Variants in CEP85L observed in about 807,000 individuals in gnomAD.
CEP85L encodes the protein centrosomal protein of 85 kDa-like.
Under a neutral mutation model 100.3 loss-of-function variants are expected in CEP85L, and 60 were observed. The ratio of observed to expected loss-of-function variants is 0.60; its 90% CI spans 0.49 to 0.74. The LOEUF (loss-of-function observed/expected upper bound fraction) is 0.74. CEP85L is among the 30% of genes least tolerant of loss of function. The pLI, the probability that CEP85L is intolerant of heterozygous loss-of-function variation, is 0.00. For missense variants in CEP85L, 973 were observed against 936.2 expected, an observed-to-expected ratio of 1.04 and a Z score of -0.51; for synonymous variants, 319 against 322.7, an observed-to-expected ratio of 0.99 and a Z score of 0.12.
intron 3 of CEP85L, among the ~76,000 whole-genome samples, chr6:118,544,980 A>G (rs895759179): frequency 2.0e-5 from 3 of 152,108 alleles, no homozygotes; most frequent in Non-Finnish European, 4.4e-5. Flanking sequence ...GTAATTATCA[A>G]ACCCTCAAGT....
intron 2 of CEP85L, among the ~76,000 whole-genome samples, chr6:118,589,971 AC>A (rs1781087048): frequency 6.6e-6 from 1 of 152,098 alleles, no homozygotes; most frequent in South Asian, 2.1e-4. Flanking sequence ...ATAGAACAGC[AC>A]TACCCTCCTC....
chr6:118,491,401 T>G, intron 6 of CEP85L: 1 of 974,564 alleles, frequency 1.0e-6, no homozygotes, highest in Non-Finnish European at 1.3e-6. Context: ...AATGAAATCA[T>G]AGACTCAATA....
chr6:118,613,508 G>A (rs1159959620), intron 2 of CEP85L, among the ~76,000 whole-genome samples: 2 of 152,062 alleles, frequency 1.3e-5, no homozygotes, highest in East Asian at 1.9e-4. Flanking sequence ...TGTAATCCTA[G>A]TACTTTGTGG....
chr6:118,635,285 T>A (rs1774423558), intron 1 of CEP85L, among the ~76,000 whole-genome samples: 1 of 152,200 alleles, frequency 6.6e-6, no homozygotes, highest in African/African-American at 2.4e-5. Context: ...ATCAACCTAT[T>A]TTTTAACATG....
chr6:118,686,231 T>C (rs1279374681), intron 1 of CEP85L, among the ~76,000 whole-genome samples: 2 of 152,096 alleles, frequency 1.3e-5, no homozygotes, highest in African/African-American at 4.8e-5. Flanking sequence ...TATTGACGTA[T>C]CATTTAAATA....
At chr6:118,497,806 A>G (rs950327567) in intron 5 of CEP85L, among the ~76,000 whole-genome samples, 2 of 152,258 alleles carry the variant, frequency 1.3e-5, no homozygotes, top group African/African-American at 4.8e-5. Context: ...AAGCAAGAGC[A>G]TCGGAAAAGG....
intron 2 of CEP85L, among the ~76,000 whole-genome samples, chr6:118,618,699 G>A (rs894353408): frequency 4.6e-5 from 7 of 152,124 alleles, no homozygotes; most frequent in Non-Finnish European, 1.0e-4. Flanking sequence ...ATGGAAAGTG[G>A]GGACAAAAGG....
rs533943347 is a variant in CEP85L, at chr6:118,467,895, T to A, written c.2254+1177A>T. Among the ~76,000 whole-genome samples the A allele has an allele frequency of 2.0e-5, 3 of 152,292 alleles. No individual in the cohort carries two copies. In the South Asian group the frequency reaches 6.2e-4, roughly 32 times the overall value. On this transcript the variant is annotated intron_variant, in intron 12 of 12. Coordinates refer to ENST00000368491, the MANE Select transcript of CEP85L (RefSeq NM_001042475.3). ...TCCCACGTAGATTTAGTTGTTTTTT[T>A]CCTCTTGTGCTCCCACTGTCCTTTG...
At chr6:118,611,088 A>C (rs1772577681) in intron 2 of CEP85L, among the ~76,000 whole-genome samples, 1 of 152,180 alleles carries the variant, frequency 6.6e-6, no homozygotes, top group Non-Finnish European at 1.5e-5. Flanking sequence ...CAAAGGAAGA[A>C]AAAACACAAG....
intron 3 of CEP85L, among the ~76,000 whole-genome samples, chr6:118,535,725 G>C (rs934548920): frequency 6.6e-6 from 1 of 152,076 alleles, no homozygotes; most frequent in Non-Finnish European, 1.5e-5. Flanking sequence ...TCTCAGTATC[G>C]CAGTATTTGT....
At position 118,673,705 on chromosome 6, in the gene CEP85L, C is replaced by A. The variant is rs1489335763; in HGVS notation, c.-27-20897G>T. Reference sequence around the variant, plus strand: ...GACTGTATCTAATATTTCAACAGGACCCCCAAACAATTCTGAAATTAACTG... The same window carrying A: ...GACTGTATCTAATATTTCAACAGGAACCCCAAACAATTCTGAAATTAACTG... On this transcript the variant is annotated intron_variant, in intron 1 of 13. Transcript: ENST00000368488. Among the ~76,000 whole-genome samples, 3 of 152,074 alleles carry A rather than the reference C, an allele frequency of 2.0e-5. No homozygotes were observed. The East Asian group carries it at 5.8e-4, about 29-fold the overall frequency.
chr6:118,593,779 C>T (rs1781318814), intron 2 of CEP85L, among the ~76,000 whole-genome samples: 1 of 151,912 alleles, frequency 6.6e-6, no homozygotes, highest in African/African-American at 2.4e-5. Context: ...AAGTCACCAC[C>T]AGCTTCTACT....
chr6:118,486,714 A>T (rs2114573128), intron 6 of CEP85L, among the ~76,000 whole-genome samples: 1 of 152,152 alleles, frequency 6.6e-6, no homozygotes, highest in Admixed American at 6.5e-5. Context: ...TGGTATGTAC[A>T]TTTCCATTCT....
intron 2 of CEP85L, among the ~76,000 whole-genome samples, chr6:118,630,921 A>G (rs1486416126): frequency 6.6e-6 from 1 of 152,212 alleles, no homozygotes; most frequent in Non-Finnish European, 1.5e-5. Flanking sequence ...CCTTATGAGA[A>G]TCTAATGATA....
chr6:118,570,372 C>T (rs946467021), intron 2 of CEP85L, among the ~76,000 whole-genome samples: 1 of 152,144 alleles, frequency 6.6e-6, no homozygotes, highest in Non-Finnish European at 1.5e-5. Flanking sequence ...CATATCACAG[C>T]GGAATCCTCT....
chr6:118,477,996 C>T (rs1773511736), intron 10 of CEP85L, among the ~76,000 whole-genome samples: 2 of 152,186 alleles, frequency 1.3e-5, no homozygotes, highest in South Asian at 4.1e-4. Context: ...TAGGTATAAG[C>T]TGACCATTCT....
intron 1 of CEP85L, among the ~76,000 whole-genome samples, chr6:118,669,652 A>G (rs1776235794): frequency 6.6e-6 from 1 of 152,136 alleles, no homozygotes; most frequent in Non-Finnish European, 1.5e-5. Context: ...GTCAGAACCT[A>G]GAATTTATGG....
At chr6:118,562,430 C>T (rs1415328922) in intron 3 of CEP85L, among the ~76,000 whole-genome samples, 2 of 152,084 alleles carry the variant, frequency 1.3e-5, no homozygotes, top group African/African-American at 4.8e-5. Context: ...GTCACATGAT[C>T]ATTGCACACT....
At chr6:118,647,454 G>C (rs1445219606) in intron 1 of CEP85L, among the ~76,000 whole-genome samples, 1 of 152,070 alleles carries the variant, frequency 6.6e-6, no homozygotes, top group East Asian at 1.9e-4. Context: ...TCAGCCTCCC[G>C]GGTTCAGGCA....
Sources: allele counts gnomAD v4.1 joint callset (sites outside exome capture counted in the v4.1 genomes callset), GRCh38; gene constraint gnomAD v4.1.1; transcripts MANE v1.5; gene names NCBI Gene and HGNC (gene_info 2026-07-23, HGNC 2026-07-21).